Variants in SMAD9 observed in about 807,000 individuals in gnomAD.
SMAD9 encodes the protein MAD homolog 9.
In SMAD9, 36 loss-of-function variants were observed where a neutral mutation model predicts 46.1. That is an observed-to-expected ratio of 0.78 (90% CI 0.60 to 1.03). The LOEUF is 1.03. Among genes scored for constraint, SMAD9 ranks in the 50% least tolerant of loss-of-function variants. The pLI is 0.00. For missense variants in SMAD9, 572 were observed against 599.8 expected, an observed-to-expected ratio of 0.95 and a Z score of 0.48; for synonymous variants, 245 against 237.1, an observed-to-expected ratio of 1.03 and a Z score of -0.31.
At chr13:36,854,207 A>C (rs774743031) in intron 5 of SMAD9, among the ~76,000 whole-genome samples, 37 of 152,262 alleles carry the variant, frequency 2.4e-4, no homozygotes, top group Non-Finnish European at 5.1e-4. Context: ...ATTGCAACCC[A>C]TGTTAACAAT....
At chr13:36,915,038 T>C (rs2138714972) in intron 1 of SMAD9, among the ~76,000 whole-genome samples, 1 of 152,352 alleles carries the variant, frequency 6.6e-6, no homozygotes, top group Non-Finnish European at 1.5e-5. Flanking sequence ...AAACAGGCTG[T>C]ATGGAAGAAG....
intron 1 of SMAD9, among the ~76,000 whole-genome samples, chr13:36,899,197 A>C (rs1047503568): frequency 2.6e-5 from 4 of 152,222 alleles, no homozygotes; most frequent in Non-Finnish European, 5.9e-5. Context: ...AACACTTAGA[A>C]ATAAATTTAA....
At chr13:36,904,444 T>A (rs969887553) in intron 1 of SMAD9, among the ~76,000 whole-genome samples, 21 of 152,228 alleles carry the variant, frequency 1.4e-4, no homozygotes, top group African/African-American at 4.8e-4. Context: ...TATGCAATCA[T>A]CCCAGCTTTA....
chr13:36,890,312 A>C (rs1402699148), intron 1 of SMAD9, among the ~76,000 whole-genome samples: 1 of 152,222 alleles, frequency 6.6e-6, no homozygotes, highest in East Asian at 1.9e-4. Flanking sequence ...AGGGCACTGA[A>C]GAATATCACT....
At chr13:36,876,962 T>G (rs1487754683) in intron 2 of SMAD9, among the ~76,000 whole-genome samples, 2 of 152,176 alleles carry the variant, frequency 1.3e-5, no homozygotes, top group African/African-American at 4.8e-5. Flanking sequence ...ATATAATCGT[T>G]ACCCATCTTT....
chr13:36,900,471 G>C (rs1186435718), intron 1 of SMAD9, among the ~76,000 whole-genome samples: 1 of 151,830 alleles, frequency 6.6e-6, no homozygotes, highest in East Asian at 1.9e-4. Context: ...AGTAGAGATG[G>C]GGTTTCACCA....
rs1343505645 is a variant in SMAD9 at position 36,902,481 on chromosome 13, T to C, written c.-187+17635A>G. 2.7e-5 allele frequency among the ~76,000 whole-genome samples: 4 copies of C among 150,910 alleles called. No homozygotes were observed. In the Admixed American group the frequency reaches 2.7e-4, roughly 10 times the overall value. ...CTTCTTTTTTTTTTTTGAGATGGAG[T>C]CTTACTGTGTCACCCAGGCTGGAGT... On this transcript the variant is annotated intron_variant, in intron 1 of 6. Coordinates refer to ENST00000379826, the MANE Select transcript of SMAD9 (RefSeq NM_001127217.3).
At chr13:36,920,315 C>CCCGCCCCCGCCCCCGCCCCCGCCCGCCG (rs1432318058), upstream of SMAD9, 29 of 149,670 alleles carry the variant, frequency 1.9e-4, no homozygotes, top group Non-Finnish European at 2.1e-4. Context: ...GCGGCCCGCC[C>CCCGCCCCCGCCCCCGCCCCCGCCCGCCG]CCGCCCGCCG....
chr13:36,909,219 T>C (rs1338433025), intron 1 of SMAD9, among the ~76,000 whole-genome samples: 1 of 152,206 alleles, frequency 6.6e-6, no homozygotes, highest in East Asian at 1.9e-4. Flanking sequence ...CATTGCCTGT[T>C]TGCTATGTAG....
rs770040180 is a variant in SMAD9, at chr13:36,920,187, A to AGCGGCG, written c.-264_-259dup. The AGCGGCG allele has an allele frequency of 6.8e-4, 99 of 145,142 alleles. No individual in the cohort carries two copies. Among genetic ancestry groups the AGCGGCG allele is most frequent in the African/African-American group, 2.1e-3 (72 of 33,710 alleles). The allele number at this position is 145,142 out of a possible 1,614,324, so 9.0% of individuals were successfully genotyped here. On this transcript the variant is annotated 5_prime_UTR_variant, in exon 1 of 7. Coordinates refer to ENST00000379826, the MANE Select transcript of SMAD9 (RefSeq NM_001127217.3). Reference sequence around the variant, plus strand: ...CGGGGACCGAGACAGCGGCTGCAGCAGCGGCGGCGGCGGCGGCGGCGGCGG... The same window carrying AGCGGCG: ...CGGGGACCGAGACAGCGGCTGCAGCAGCGGCGGCGGCGGCGGCGGCGGCGGCGGCGG...
At chr13:36,917,384 G>A (rs2058706574) in intron 1 of SMAD9, among the ~76,000 whole-genome samples, 1 of 146,650 alleles carries the variant, frequency 6.8e-6, no homozygotes, top group South Asian at 2.2e-4. Flanking sequence ...AAGTACTTAT[G>A]CATTTACTGT....
At chr13:36,914,449 G>A (rs962166889) in intron 1 of SMAD9, among the ~76,000 whole-genome samples, 1 of 152,132 alleles carries the variant, frequency 6.6e-6, no homozygotes, top group African/African-American at 2.4e-5. Flanking sequence ...AACCCGGGAG[G>A]TGGAGCTTGC....
In SMAD9 at chr13:36,848,538, G is replaced by A. The variant is rs993241531; in HGVS notation, c.*138C>T. ...AACTAGAAAGCACAAAACAAACGGT[G>A]ATTAAAAAAAATAAGAACAGTATAC... On this transcript the variant is annotated 3_prime_UTR_variant, in exon 7 of 7. Transcript: ENST00000379826. 2.2e-6 allele frequency: 2 copies of A among 890,452 alleles called. No homozygotes were observed. Among genetic ancestry groups the A allele is most frequent in the Non-Finnish European group, 1.8e-6 (1 of 540,786 alleles). The allele number at this position is 890,452 out of a possible 1,614,324, so 55.2% of individuals were successfully genotyped here.
chr13:36,899,319 A>T (rs957666134), intron 1 of SMAD9, among the ~76,000 whole-genome samples: 22 of 151,924 alleles, frequency 1.4e-4, no homozygotes, highest in Non-Finnish European at 2.9e-4. Flanking sequence ...CAAAATCAAT[A>T]ATGTTAGGAT....
intron 5 of SMAD9, among the ~76,000 whole-genome samples, chr13:36,859,321 G>A (rs1459392417): frequency 2.6e-5 from 4 of 152,176 alleles, no homozygotes; most frequent in Non-Finnish European, 5.9e-5. Context: ...TCTGCCCAAG[G>A]AGTTTGAAAC....
At chr13:36,865,986 T>C (rs540865375) in intron 4 of SMAD9, among the ~76,000 whole-genome samples, 12 of 152,280 alleles carry the variant, frequency 7.9e-5, no homozygotes, top group African/African-American at 2.6e-4. Flanking sequence ...TTGTTCATCT[T>C]CCATGGCTAG....
At chr13:36,908,208 A>C (rs1186200185) in intron 1 of SMAD9, among the ~76,000 whole-genome samples, 1 of 152,214 alleles carries the variant, frequency 6.6e-6, no homozygotes, top group Non-Finnish European at 1.5e-5. Flanking sequence ...TTTTAATGAG[A>C]TCTGTTTTCT....
chr13:36,858,858 C>T lies in SMAD9; in HGVS notation c.1004-5183G>A, dbSNP rs189747364. ...CTGCCTAGTTGGGGCTACAGATGCA[C>T]GCCGCCATACTCAGCTAACTTTTTG... On this transcript the variant is annotated intron_variant, in intron 5 of 6. Transcript: ENST00000379826. Among the ~76,000 whole-genome samples, 752 of 152,166 alleles carry T rather than the reference C, an allele frequency of 4.9e-3. 21 individuals are homozygous for T. Among genetic ancestry groups the T allele is most frequent in the Admixed American group, 0.039 (602 of 15,290 alleles).
At chr13:36,904,095 A>G (rs2058599633) in intron 1 of SMAD9, among the ~76,000 whole-genome samples, 1 of 152,192 alleles carries the variant, frequency 6.6e-6, no homozygotes, top group South Asian at 2.1e-4. Context: ...GAGATTAAGC[A>G]ATATATTGCC....
Sources: allele counts gnomAD v4.1 joint callset (sites outside exome capture counted in the v4.1 genomes callset), GRCh38; gene constraint gnomAD v4.1.1; transcripts MANE v1.5; gene names NCBI Gene and HGNC (gene_info 2026-07-23, HGNC 2026-07-21).